Variants in MALRD1 observed in about 807,000 individuals in gnomAD.
The protein encoded by MALRD1 is MAM and LDL receptor class A domain containing 1.
In MALRD1, 247 loss-of-function variants were observed where a neutral mutation model predicts 242.1. The observed-to-expected ratio is 1.02, with a 90% CI of 0.92 to 1.13. The LOEUF (loss-of-function observed/expected upper bound fraction) is 1.13, where lower values mean the gene tolerates loss of function less well. Ranked by LOEUF, MALRD1 falls within the 50% of genes most tolerant of loss-of-function variation. MALRD1 has a pLI of 0.00. For missense variants in MALRD1, 2,989 were observed against 2,533.1 expected, an observed-to-expected ratio of 1.18 and a Z score of -3.86; for synonymous variants, 995 against 866.6, an observed-to-expected ratio of 1.15 and a Z score of -2.60.
At chr10:19,678,375 G>T in intron 36 of MALRD1, among the ~76,000 whole-genome samples, 1 of 152,088 alleles carries the variant, frequency 6.6e-6, no homozygotes, top group East Asian at 1.9e-4. Context: ...TCCTTGAAGA[G>T]GGCCTTCATT....
chr10:19,354,041 A>G (rs1366669905), intron 26 of MALRD1, among the ~76,000 whole-genome samples: 1 of 148,296 alleles, frequency 6.7e-6, no homozygotes. Flanking sequence ...AAGCAACATT[A>G]AAAAAAAAAG....
At chr10:19,202,046 C>T (rs1836562570) in intron 14 of MALRD1, among the ~76,000 whole-genome samples, 1 of 152,002 alleles carries the variant, frequency 6.6e-6, no homozygotes, top group South Asian at 2.1e-4. Flanking sequence ...GATCTCTTGA[C>T]CTTGTGATCA....
At chr10:19,348,159 G>A (rs1577307) in intron 25 of MALRD1, 141 bp downstream of exon 25, 844,205 of 1,123,432 alleles carry the variant, frequency 0.75, 320,615 homozygotes, top group African/African-American at 0.89. Flanking sequence ...TATGTGAAGG[G>A]GGGAAAAAAT....
At chr10:19,269,352 C>T (rs911631115) in intron 19 of MALRD1, among the ~76,000 whole-genome samples, 6 of 152,250 alleles carry the variant, frequency 3.9e-5, no homozygotes, top group Non-Finnish European at 7.3e-5. Context: ...CGCGCTCTCT[C>T]GCTCTCTTGC....
In MALRD1 at chr10:19,607,698, G is replaced by T. The variant is rs1168822894; in HGVS notation, c.5945-79G>T. ...AGAGTAATATAATAAACTGTTTTAT[G>T]TTATTTTGTTGTGAGAATTCATTGG... On this transcript the variant is annotated intron_variant, in intron 34 of 39. Transcript: ENST00000454679. The T allele has an allele frequency of 4.7e-6, 7 of 1,477,788 alleles. No homozygotes were observed. In the East Asian group the frequency reaches 1.7e-4, roughly 37 times the overall value. 91.5% of individuals were successfully genotyped at this position (1,477,788 alleles called of 1,614,324 possible).
At chr10:19,571,564 G>A (rs879912987) in intron 33 of MALRD1, among the ~76,000 whole-genome samples, 4 of 152,018 alleles carry the variant, frequency 2.6e-5, no homozygotes, top group African/African-American at 4.8e-5. Flanking sequence ...TATTTTGTAG[G>A]CTAAAAATCT....
At chr10:19,500,394 G>A (rs903573370) in intron 31 of MALRD1, among the ~76,000 whole-genome samples, 1 of 152,128 alleles carries the variant, frequency 6.6e-6, no homozygotes, top group Non-Finnish European at 1.5e-5. Context: ...AAAATAGTGG[G>A]CAAAAGATGG....
At chr10:19,271,660 G>A (rs1230277761) in intron 19 of MALRD1, among the ~76,000 whole-genome samples, 2 of 152,076 alleles carry the variant, frequency 1.3e-5, no homozygotes, top group Non-Finnish European at 2.9e-5. Context: ...CTACTTGGGA[G>A]GCTGAGGCAG....
intron 28 of MALRD1, among the ~76,000 whole-genome samples, chr10:19,404,522 G>GT (rs1218372562): frequency 2.0e-5 from 3 of 151,872 alleles, no homozygotes; most frequent in Non-Finnish European, 4.4e-5. Context: ...AAATATATGT[G>GT]TTTTTTTCTA....
At position 19,257,710 on chromosome 10, in the gene MALRD1, T is replaced by C. The variant is rs1431624937; in HGVS notation, c.3018T>C (p.Asp1006=). The stretch of plus-strand genomic sequence containing the variant: ...TATTGGTGGAGGCTTCAGTGGGAGA[T>C]GGCTTCACTGGAGATATTGCGATTG... The part of the protein sequence containing the change: ...FQILVEASVG[D]GFTGDIAIDD... Residue 1006 remains aspartate (D), a synonymous_variant, in exon 19 of 40, where the codon GAT becomes GAC. Transcript: ENST00000454679. The C allele has an allele frequency of 6.5e-7, 1 of 1,541,206 alleles. No homozygotes were observed. The highest frequency in any genetic ancestry group is 8.8e-7 in the Non-Finnish European group (1 of 1,141,500).
intron 26 of MALRD1, among the ~76,000 whole-genome samples, chr10:19,379,326 CCTT>C (rs1432321079): frequency 2.0e-5 from 3 of 151,992 alleles, no homozygotes; most frequent in Non-Finnish European, 2.9e-5. Context: ...TTATTTTCCT[CCTT>C]CTACTTATTT....
At chr10:19,661,202 T>C (rs1589371704) in intron 36 of MALRD1, among the ~76,000 whole-genome samples, 1 of 152,170 alleles carries the variant, frequency 6.6e-6, no homozygotes, top group African/African-American at 2.4e-5. Flanking sequence ...GTAAACTAGT[T>C]CAACCATTGT....
In MALRD1 at chr10:19,349,838, T is replaced by A. The variant is rs568328517; in HGVS notation, c.4149+1820T>A. Among the ~76,000 whole-genome samples, 193 of 152,310 alleles carry A rather than the reference T, an allele frequency of 1.3e-3. 1 individual carries two copies. Among genetic ancestry groups the A allele is most frequent in the South Asian group, 2.9e-3 (14 of 4,828 alleles). Reference sequence around the variant, plus strand: ...TTCTATTTAAACACTTCTAAAAATGTCCAGTGGATTATTTTTTCATACTGT... The same window carrying A: ...TTCTATTTAAACACTTCTAAAAATGACCAGTGGATTATTTTTTCATACTGT... On this transcript the variant is annotated intron_variant, in intron 25 of 39. Transcript: ENST00000454679.
chr10:19,689,969 T>A (rs1351499268), intron 36 of MALRD1, among the ~76,000 whole-genome samples: 1 of 152,084 alleles, frequency 6.6e-6, no homozygotes, highest in African/African-American at 2.4e-5. Flanking sequence ...GAAAATTTAC[T>A]GAAATCTATT....
intron 31 of MALRD1, among the ~76,000 whole-genome samples, chr10:19,517,546 G>A (rs1255482588): frequency 6.6e-6 from 1 of 152,118 alleles, no homozygotes; most frequent in Non-Finnish European, 1.5e-5. Flanking sequence ...ACCCATTTCT[G>A]TAGAAAAACA....
chr10:19,659,027 G>A (rs552180034), intron 36 of MALRD1, among the ~76,000 whole-genome samples: 59 of 152,148 alleles, frequency 3.9e-4, no homozygotes, highest in Non-Finnish European at 7.4e-4. Flanking sequence ...TTTACCAAAC[G>A]GACCAAAAAA....
At chr10:19,648,625 A>G (rs57545058) in intron 36 of MALRD1, among the ~76,000 whole-genome samples, 14,803 of 152,204 alleles carry the variant, frequency 0.097, 1,864 homozygotes, top group African/African-American at 0.29. Context: ...AGTGAATACA[A>G]ACTTACAGAG....
At chr10:19,232,107 A>G (rs752022272) in intron 18 of MALRD1, among the ~76,000 whole-genome samples, 13 of 152,024 alleles carry the variant, frequency 8.6e-5, no homozygotes, top group Non-Finnish European at 1.3e-4. Flanking sequence ...GCATTTTACT[A>G]TCAGTCTAAA....
intron 5 of MALRD1, among the ~76,000 whole-genome samples, chr10:19,107,565 C>CT (rs201379420): frequency 0.32 from 42,437 of 132,194 alleles, 6,807 homozygotes; most frequent in African/African-American, 0.45. Flanking sequence ...ATAATTTGGT[C>CT]TTTTTTTTTT....
Sources: allele counts gnomAD v4.1 joint callset (sites outside exome capture counted in the v4.1 genomes callset), GRCh38; gene constraint gnomAD v4.1.1; transcripts MANE v1.5; gene names NCBI Gene and HGNC (gene_info 2026-07-23, HGNC 2026-07-21).